TSPAN1: variants seen among roughly 807,000 people sequenced by gnomAD.
The protein encoded by TSPAN1 is tetraspanin-1.
TSPAN1 carries 23 observed loss-of-function variants against 26.9 expected under a neutral mutation model. The ratio of observed to expected loss-of-function variants is 0.85; its 90% CI spans 0.62 to 1.21. The LOEUF is 1.21. Among genes scored for constraint, TSPAN1 ranks in the 50% most tolerant of loss-of-function variants. TSPAN1 has a pLI of 0.00. For missense variants in TSPAN1, 283 were observed against 298.4 expected (o/e 0.95, Z 0.38); for synonymous variants, 115 against 114.8 (o/e 1.00, Z -0.01).
chr1:46,193,332 G>C, the TSPAN1 span: 2 of 1,613,596 alleles, frequency 1.2e-6, no homozygotes, highest in East Asian at 2.2e-5. Flanking sequence ...TCTTGATGCT[G>C]ATGGGAGTAT....
chr1:46,188,660 C>T, downstream of TSPAN1: 1 of 1,562,394 alleles, frequency 6.4e-7, no homozygotes, highest in South Asian at 1.2e-5. Flanking sequence ...CCCTGACACA[C>T]AAAATCACAA....
At chr1:46,192,567 AG>A in the TSPAN1 span, 1 of 1,614,156 alleles carries the variant, frequency 6.2e-7, no homozygotes. Context: ...CTCCTCCAGT[AG>A]GTGGATGGAT....
downstream of TSPAN1, chr1:46,189,228 G>A (rs1470155625): frequency 3.8e-6 from 6 of 1,593,200 alleles, no homozygotes; most frequent in Non-Finnish European, 5.1e-6. Flanking sequence ...AGCCAGCCTG[G>A]GGGTACACAG....
chr1:46,195,218 C>T, the TSPAN1 span, among the ~76,000 whole-genome samples: 1 of 152,226 alleles, frequency 6.6e-6, no homozygotes, highest in African/African-American at 2.4e-5. Flanking sequence ...GCCTTCTTTT[C>T]CAACCACTCT....
At chr1:46,177,393 A>G (rs549149188) in intron 1 of TSPAN1, among the ~76,000 whole-genome samples, 1 of 152,098 alleles carries the variant, frequency 6.6e-6, no homozygotes, top group East Asian at 1.9e-4. Flanking sequence ...CTATCTATCT[A>G]TATTTGAGTC....
In TSPAN1 at chr1:46,185,410, C is replaced by G. The variant is rs2234272; in HGVS notation, c.679-76C>G. The G allele has an allele frequency of 2.4e-3, 3,873 of 1,609,154 alleles. 83 individuals are homozygous for G. The African/African-American group carries it at 0.045, about 19-fold the overall frequency. On this transcript the variant is annotated intron_variant, in intron 8 of 8. Coordinates refer to ENST00000372003, the MANE Select transcript of TSPAN1 (RefSeq NM_005727.4). ...AGGAAACAGACTTCTAACTGGGCCTCAGGTAGGGTGTCTGTGGGACAGGCT... is the reference window on the plus strand; with the variant it reads ...AGGAAACAGACTTCTAACTGGGCCTGAGGTAGGGTGTCTGTGGGACAGGCT...
At chr1:46,181,356 C>G (rs1557664720) in intron 3 of TSPAN1, among the ~76,000 whole-genome samples, 192 bp downstream of exon 3, 1 of 152,192 alleles carries the variant, frequency 6.6e-6, no homozygotes, top group Non-Finnish European at 1.5e-5. Context: ...GGCTGCCATA[C>G]AGGTGCGTGT....
chr1:46,187,715 C>T (rs995804078), downstream of TSPAN1, among the ~76,000 whole-genome samples: 2 of 152,224 alleles, frequency 1.3e-5, no homozygotes, highest in Non-Finnish European at 2.9e-5. Flanking sequence ...GCCTCTACCT[C>T]ATCATGGGCT....
intron 1 of TSPAN1, chr1:46,176,489 G>A (rs969186499): frequency 6.5e-7 from 1 of 1,535,216 alleles, no homozygotes; most frequent in Non-Finnish European, 8.7e-7. Context: ...GGGAGCTTCT[G>A]CAGTGTGCCT....
chr1:46,195,044 C>G, the TSPAN1 span: 652 of 1,233,130 alleles, frequency 5.3e-4, 10 homozygotes, highest in East Asian at 0.015. Flanking sequence ...ATGTAGCAAC[C>G]TTTTACTTAA....
intron 3 of TSPAN1, chr1:46,183,834 A>C (rs1037003101): frequency 2.2e-5 from 8 of 366,318 alleles, no homozygotes; most frequent in Non-Finnish European, 3.6e-5. Flanking sequence ...AGGCACCCAT[A>C]GCCCAGAAAG....
At chr1:46,189,924 C>T (rs1657619809), downstream of TSPAN1, 1 of 1,613,952 alleles carries the variant, frequency 6.2e-7, no homozygotes, top group Admixed American at 1.7e-5. Context: ...GTAGGTGTGG[C>T]CCTCTGTGTC....
chr1:46,181,596 T>C (rs1027559959), intron 3 of TSPAN1, among the ~76,000 whole-genome samples: 7 of 152,308 alleles, frequency 4.6e-5, no homozygotes, highest in Admixed American at 1.3e-4. Flanking sequence ...AGGGCCTACC[T>C]CTCATCAGAG....
downstream of TSPAN1, chr1:46,190,061 C>T: frequency 1.4e-6 from 2 of 1,444,212 alleles, no homozygotes; most frequent in Non-Finnish European, 1.9e-6. Flanking sequence ...GGACCCTGTA[C>T]TTGGTTGAAT....
chr1:46,182,921 A>G (rs939693479), intron 3 of TSPAN1, among the ~76,000 whole-genome samples: 2 of 151,938 alleles, frequency 1.3e-5, no homozygotes, highest in African/African-American at 4.8e-5. Context: ...GGATTCCCCT[A>G]CCTCACTCAG....
At chr1:46,190,880 G>C, downstream of TSPAN1, 1 of 1,169,920 alleles carries the variant, frequency 8.5e-7, no homozygotes, top group Admixed American at 1.7e-5. Flanking sequence ...CACAAATGAA[G>C]TCCTAGACCT....
intron 1 of TSPAN1, among the ~76,000 whole-genome samples, chr1:46,179,532 A>C (rs900393456): frequency 1.3e-5 from 2 of 152,194 alleles, no homozygotes; most frequent in African/African-American, 4.8e-5. Flanking sequence ...AGGGTCACAC[A>C]GTTCATAAGC....
intron 3 of TSPAN1, among the ~76,000 whole-genome samples, chr1:46,181,964 CTGGAGA>C (rs1162341305): frequency 6.6e-6 from 1 of 152,046 alleles, no homozygotes; most frequent in African/African-American, 2.4e-5. Flanking sequence ...GGCGTAAATC[CTGGAGA>C]TGGTGGTGGA....
rs1313661520 is a variant in TSPAN1, at chr1:46,185,130, G to GAGTA, written c.594+18_594+19insAAGT. On this transcript the variant is annotated intron_variant, in intron 7 of 8. Coordinates refer to ENST00000372003, the MANE Select transcript of TSPAN1 (RefSeq NM_005727.4). ...AAAAAGTAGAGGTGTGGGCTGGCAT[G>GAGTA]AGTGGGTGGGGACTGTTTTCATGGC... is the stretch of plus-strand genomic sequence containing the variant. 15 of 1,614,102 alleles carry GAGTA rather than the reference G, an allele frequency of 9.3e-6. No individual in the cohort carries two copies. Among genetic ancestry groups the GAGTA allele is most frequent in the Non-Finnish European group, 1.3e-5 (15 of 1,180,048 alleles).
Sources: allele counts gnomAD v4.1 joint callset (sites outside exome capture counted in the v4.1 genomes callset), GRCh38; gene constraint gnomAD v4.1.1; transcripts MANE v1.5; gene names NCBI Gene and HGNC (gene_info 2026-07-23, HGNC 2026-07-21).